PTCHD4: variants seen among roughly 807,000 people sequenced by gnomAD.
The protein encoded by PTCHD4 is patched domain containing 4, also known as patched domain-containing protein 4.
A neutral mutation model predicts 58.1 loss-of-function variants in PTCHD4; 33 were observed. The ratio of observed to expected loss-of-function variants is 0.57; its 90% CI spans 0.43 to 0.76. The LOEUF (loss-of-function observed/expected upper bound fraction) is 0.76, where lower values mean the gene tolerates loss of function less well. Ranked by LOEUF, PTCHD4 falls within the 30% of genes least tolerant of loss-of-function variation. PTCHD4 has a pLI of 0.00. For synonymous variants in PTCHD4, 478 were observed against 409.6 expected, an observed-to-expected ratio of 1.17 and a Z score of -2.02; for missense variants, 1,058 against 1,027.1, an observed-to-expected ratio of 1.03 and a Z score of -0.41.
At chr6:48,105,221 A>G (rs1270043925) in intron 1 of PTCHD4, among the ~76,000 whole-genome samples, 3 of 151,916 alleles carry the variant, frequency 2.0e-5, no homozygotes, top group Admixed American at 2.0e-4. Context: ...TCCTCAGCAC[A>G]TGTAAAAGAT....
chr6:47,878,772 C>T lies in PTCHD4; in HGVS notation c.2063G>A (p.Ser688Asn). The T allele has an allele frequency of 6.2e-7, 1 of 1,613,514 alleles. No individual in the cohort carries two copies. The highest frequency in any genetic ancestry group is 8.5e-7 in the Non-Finnish European group (1 of 1,179,738). Residue 688 changes from serine to asparagine, a missense_variant, in exon 5 of 5, where the codon AGC becomes AAC. By Grantham distance (46) the Ser-to-Asn change is conservative (BLOSUM62 1). Coordinates refer to ENST00000339488, the MANE Select transcript of PTCHD4 (RefSeq NM_001384253.1). Reference protein sequence around the residue: ...HPLGNFWLILSVTSIELGVLG... With the variant: ...HPLGNFWLILNVTSIELGVLG... Reference sequence around the variant, plus strand: ...AACGCCCAGCTCAATTGAGGTGACGCTAAGAATTAGCCAGAAGTTTCCCAG... The same window carrying T: ...AACGCCCAGCTCAATTGAGGTGACGTTAAGAATTAGCCAGAAGTTTCCCAG...
rs1046472562 is a variant in PTCHD4, at chr6:47,870,494, G to A, written c.*7809C>T. On this transcript the variant is annotated 3_prime_UTR_variant, in exon 5 of 5. Transcript: ENST00000339488. Reference sequence around the variant, plus strand: ...CTTTATTTGTTTCTATTATAGTTAAGAAAAACCTGTTTTGCAAAATGTTTT... The same window carrying A: ...CTTTATTTGTTTCTATTATAGTTAAAAAAAACCTGTTTTGCAAAATGTTTT... 1.3e-5 allele frequency among the ~76,000 whole-genome samples: 2 copies of A among 151,528 alleles called. No individual in the cohort carries two copies. The highest frequency in any genetic ancestry group is 3.0e-5 in the Non-Finnish European group (2 of 67,670).
At chr6:47,956,843 A>C (rs1020302619) in intron 4 of PTCHD4, among the ~76,000 whole-genome samples, 2 of 152,266 alleles carry the variant, frequency 1.3e-5, no homozygotes, top group South Asian at 2.1e-4. Flanking sequence ...GTCTTAGAGC[A>C]GTGAGAATTT....
In PTCHD4 at chr6:47,872,567, TTTCTGA is replaced by T. The variant is rs750544043; in HGVS notation, c.*5730_*5735del. Among the ~76,000 whole-genome samples, 2 of 151,682 alleles carry T rather than the reference TTTCTGA, an allele frequency of 1.3e-5. No homozygotes were observed. Among genetic ancestry groups the T allele is most frequent in the Non-Finnish European group, 3.0e-5 (2 of 67,736 alleles). ...ATTCCTACTCTGTTCCTAAAGTTTC[TTTCTGA>T]TTTTTAAGATTTTATAATTACCATG... On this transcript the variant is annotated 3_prime_UTR_variant, in exon 5 of 5. Coordinates refer to ENST00000339488, the MANE Select transcript of PTCHD4 (RefSeq NM_001384253.1).
chr6:47,860,116 A>G lies in PTCHD4; in HGVS notation c.*18187T>C, dbSNP rs2114055690. On this transcript the variant is annotated 3_prime_UTR_variant, in exon 5 of 5. Transcript: ENST00000339488. ...TCTTGAAGTATTCCCCTTTAATGCC[A>G]ATAGTTCCCTATACCCAGATTCTCT... is the stretch of plus-strand genomic sequence containing the variant. Among the ~76,000 whole-genome samples, 1 of 152,182 alleles carries G rather than the reference A, an allele frequency of 6.6e-6. No individual in the cohort carries two copies. The highest frequency in any genetic ancestry group is 2.1e-4 in the South Asian group (1 of 4,828).
chr6:47,980,644 A>C (rs1767853431), intron 4 of PTCHD4, among the ~76,000 whole-genome samples: 1 of 151,992 alleles, frequency 6.6e-6, no homozygotes, highest in African/African-American at 2.4e-5. Flanking sequence ...TAAATGATTA[A>C]ACTTTGCATG....
rs1290549507 is a variant in PTCHD4, at chr6:48,008,798, G to T, written c.734C>A (p.Ala245Asp). The change falls in exon 4 of 5, where the codon GCC becomes GAC. Residue 245 changes from alanine to aspartate, a missense_variant. Coordinates refer to ENST00000339488, the MANE Select transcript of PTCHD4 (RefSeq NM_001384253.1). ...GTCCTTCATGGAGCTGGAGAGGGTG[G>T]CTGTGGTCAGGATCAGCACGAGGCT... Reference protein sequence around the residue: ...LVSLVLILTTATLSSSMKDCL... With the variant: ...LVSLVLILTTDTLSSSMKDCL... 1.2e-6 allele frequency: 2 copies of T among 1,614,006 alleles called. No individual in the cohort carries two copies. The highest frequency in any genetic ancestry group is 1.1e-5 in the South Asian group (1 of 91,084).
At chr6:48,051,931 T>C (rs1180414473) in intron 3 of PTCHD4, among the ~76,000 whole-genome samples, 1 of 151,996 alleles carries the variant, frequency 6.6e-6, no homozygotes, top group Non-Finnish European at 1.5e-5. Flanking sequence ...ACTTTTAAGA[T>C]TCAAGTTACC....
intron 4 of PTCHD4, among the ~76,000 whole-genome samples, chr6:48,002,723 A>C (rs1244943148): frequency 6.6e-6 from 1 of 151,832 alleles, no homozygotes; most frequent in African/African-American, 2.4e-5. Context: ...ACAAACCTGC[A>C]CATTGTGCAC....
chr6:47,930,896 T>C (rs1316516146), intron 4 of PTCHD4, among the ~76,000 whole-genome samples: 1 of 152,132 alleles, frequency 6.6e-6, no homozygotes, highest in Non-Finnish European at 1.5e-5. Flanking sequence ...TGGGTTCAAA[T>C]GATTCTCCTG....
rs1271300702 is a variant in PTCHD4 at position 47,990,734 on chromosome 6, T to C, written c.898+17900A>G. 2.6e-5 allele frequency among the ~76,000 whole-genome samples: 4 copies of C among 152,286 alleles called. No homozygotes were observed. The South Asian group carries it at 8.3e-4, about 32-fold the overall frequency. On this transcript the variant is annotated intron_variant, in intron 4 of 4. Transcript: ENST00000339488. Reference sequence around the variant, plus strand: ...CAGTATGAAAATGGACTAATACGTGTGCTTACCTTAATAAAAATAAATAAT... The same window carrying C: ...CAGTATGAAAATGGACTAATACGTGCGCTTACCTTAATAAAAATAAATAAT...
chr6:48,098,341 TC>T (rs1490463330), intron 1 of PTCHD4, among the ~76,000 whole-genome samples: 4 of 145,090 alleles, frequency 2.8e-5, no homozygotes, highest in South Asian at 2.3e-4. Context: ...TTCTTCTTCT[TC>T]TTTTTTTTTT....
At position 48,008,619 on chromosome 6, in the gene PTCHD4, A is replaced by G; in HGVS notation, c.898+15T>C. On this transcript the variant is annotated intron_variant, in intron 4 of 4. Transcript: ENST00000339488. ...AACCGGTAAGAATCCGATTACCACA[A>G]GGATGGATAGTTACCCATGGCGAAG... 1 of 1,610,106 alleles carries G rather than the reference A, an allele frequency of 6.2e-7. No individual in the cohort carries two copies. Among genetic ancestry groups the G allele is most frequent in the Non-Finnish European group, 8.5e-7 (1 of 1,177,744 alleles).
Position 48,068,687 on chromosome 6 carries a change from C to T in PTCHD4, c.6-46G>A, listed in dbSNP as rs1417113753. ...TGTGTAAGCGCCGGGCTACCCCGTT[C>T]TCCCCCATCCCACCCCCTGGGGCCA... On this transcript the variant is annotated intron_variant, in intron 2 of 4. Transcript: ENST00000339488. The surrounding 1 kb of genome is among the most constrained non-coding windows in gnomAD (Gnocchi z 4.2). 5 of 1,492,898 alleles carry T rather than the reference C, an allele frequency of 3.3e-6. No homozygotes were observed. In the African/African-American group the frequency reaches 6.9e-5, roughly 21 times the overall value. The allele number at this position is 1,492,898 out of a possible 1,614,324, so 92.5% of individuals were successfully genotyped here. A position where few individuals can be genotyped will look rare whatever the true frequency, so the allele number is the denominator to read the frequency against.
intron 4 of PTCHD4, among the ~76,000 whole-genome samples, chr6:47,937,435 TTCC>T (rs979008261): frequency 3.3e-5 from 5 of 152,226 alleles, no homozygotes; most frequent in African/African-American, 1.2e-4. Flanking sequence ...GTAAGGATTA[TTCC>T]ATATTTTTGG....
chr6:47,992,116 A>C (rs1404514771), intron 4 of PTCHD4, among the ~76,000 whole-genome samples: 5 of 152,306 alleles, frequency 3.3e-5, no homozygotes, highest in South Asian at 4.1e-4. Context: ...GTTAGTACAA[A>C]AACAATGGAG....
At chr6:48,050,658 T>C (rs1236796642) in intron 3 of PTCHD4, among the ~76,000 whole-genome samples, 1 of 152,034 alleles carries the variant, frequency 6.6e-6, no homozygotes, top group Non-Finnish European at 1.5e-5. Flanking sequence ...CCAAATGACA[T>C]GGAGCATTTG....
chr6:47,923,319 T>A (rs1392372236), intron 4 of PTCHD4, among the ~76,000 whole-genome samples: 1 of 152,158 alleles, frequency 6.6e-6, no homozygotes, highest in Non-Finnish European at 1.5e-5. Context: ...AACTTGGAAG[T>A]ATATTATATA....
chr6:48,072,612 G>A (rs556448895), intron 1 of PTCHD4, among the ~76,000 whole-genome samples: 1 of 152,282 alleles, frequency 6.6e-6, no homozygotes, highest in East Asian at 1.9e-4. Context: ...GGTTGTTACT[G>A]AGTTATCATT....
Sources: allele counts gnomAD v4.1 joint callset (sites outside exome capture counted in the v4.1 genomes callset), GRCh38; gene constraint gnomAD v4.1.1; non-coding constraint Gnocchi (gnomAD v3.1); transcripts MANE v1.5; gene names NCBI Gene and HGNC (gene_info 2026-07-23, HGNC 2026-07-21).